The following MRRF variants were observed in gnomAD, a reference collection of about 807,000 sequenced individuals.
MRRF encodes the protein ribosome-recycling factor, mitochondrial.
MRRF carries 18 observed loss-of-function variants against 25.1 expected under a neutral mutation model. The observed-to-expected ratio is 0.72, with a 90% confidence interval of 0.50 to 1.06. The LOEUF is 1.06. MRRF is among the 50% of genes least tolerant of loss of function. The probability of loss-of-function intolerance (pLI) is 0.00; values close to 1 mark genes in which losing one functional copy is unlikely to be tolerated. For synonymous variants in MRRF, 113 were observed against 112.1 expected (o/e 1.01, Z -0.05); for missense variants, 323 against 319.3 (o/e 1.01, Z -0.09).
intron 5 of MRRF, among the ~76,000 whole-genome samples, chr9:122,307,036 A>G (rs1282302230): frequency 1.3e-5 from 2 of 152,212 alleles, no homozygotes; most frequent in African/African-American, 2.4e-5. Flanking sequence ...TTTATGAGAC[A>G]TTAATGTACG....
At chr9:122,307,691 A>G (rs1260138850) in intron 5 of MRRF, among the ~76,000 whole-genome samples, 1 of 152,174 alleles carries the variant, frequency 6.6e-6, no homozygotes, top group Non-Finnish European at 1.5e-5. Flanking sequence ...TGTAGGAGAA[A>G]ACTGAGTTTG....
chr9:122,275,559 C>T (rs1832724582), intron 2 of MRRF, among the ~76,000 whole-genome samples: 1 of 152,128 alleles, frequency 6.6e-6, no homozygotes, highest in African/African-American at 2.4e-5. Context: ...CACCAGAGCC[C>T]AGGGAGGTTG....
chr9:122,295,878 C>T (rs1834053122), intron 5 of MRRF, among the ~76,000 whole-genome samples: 2 of 152,112 alleles, frequency 1.3e-5, no homozygotes, highest in Non-Finnish European at 2.9e-5. Context: ...TCTGGATACC[C>T]AGAACTAAAT....
chr9:122,322,639 A>G lies in MRRF; in HGVS notation c.*22A>G, dbSNP rs371161806. ...ATGAAAGTCCACTGGGGCCAGCAATACTCCAGAGCCCAGTTTCTGCTGGAT... is the reference window on the plus strand; with the variant it reads ...ATGAAAGTCCACTGGGGCCAGCAATGCTCCAGAGCCCAGTTTCTGCTGGAT... On this transcript the variant is annotated 3_prime_UTR_variant, in exon 7 of 7. Coordinates refer to ENST00000344641, the MANE Select transcript of MRRF (RefSeq NM_138777.5). The G allele has an allele frequency of 9.3e-5, 150 of 1,610,720 alleles. No homozygotes were observed. The highest frequency in any genetic ancestry group is 1.2e-4 in the Non-Finnish European group (138 of 1,177,484).
chr9:122,265,913 C>T (rs970996652), intron 1 of MRRF: 7 of 445,946 alleles, frequency 1.6e-5, no homozygotes, highest in African/African-American at 6.1e-5. Flanking sequence ...CTACAAGTAC[C>T]TTTCTTTACC....
At chr9:122,307,167 C>T (rs945343277) in intron 5 of MRRF, among the ~76,000 whole-genome samples, 2 of 152,196 alleles carry the variant, frequency 1.3e-5, no homozygotes, top group Admixed American at 1.3e-4. Context: ...GGGGCAGCTC[C>T]CACTGGCAAA....
chr9:122,291,382 A>G (rs80088994), intron 4 of MRRF, among the ~76,000 whole-genome samples: 1 of 152,322 alleles, frequency 6.6e-6, no homozygotes, highest in Admixed American at 6.5e-5. Context: ...TTTTTTACGT[A>G]TGAAATCTTT....
rs896043359 is a variant in MRRF, at chr9:122,326,153, G to T, written c.*3536G>T. The T allele has an allele frequency of 1.4e-5, 2 of 140,294 alleles. No homozygotes were observed. Among genetic ancestry groups the T allele is most frequent in the Non-Finnish European group, 3.0e-5 (2 of 66,476 alleles). The allele number at this position is 140,294 out of a possible 1,614,324, so 8.7% of individuals were successfully genotyped here. A position where few individuals can be genotyped will look rare whatever the true frequency, so the allele number is the denominator to read the frequency against. On this transcript the variant is annotated 3_prime_UTR_variant, in exon 7 of 7. Transcript: ENST00000344641. Reference sequence around the variant, plus strand: ...AATGGAGTCTTGCTCTGTCGCCCACGCTGGAGTGCATTGGCGCAATCTCGG... The same window carrying T: ...AATGGAGTCTTGCTCTGTCGCCCACTCTGGAGTGCATTGGCGCAATCTCGG...
chr9:122,306,292 G>T (rs1157335683), intron 5 of MRRF, among the ~76,000 whole-genome samples: 1 of 152,174 alleles, frequency 6.6e-6, no homozygotes, highest in African/African-American at 2.4e-5. Flanking sequence ...CTTGACAGTT[G>T]AGGAAATAAC....
intron 2 of MRRF, among the ~76,000 whole-genome samples, chr9:122,271,569 A>T (rs770545194): frequency 3.3e-5 from 5 of 152,204 alleles, no homozygotes; most frequent in Non-Finnish European, 5.9e-5. Context: ...TCCTCTGGGA[A>T]GCCTTTCCTG....
intron 5 of MRRF, among the ~76,000 whole-genome samples, chr9:122,301,139 G>A (rs1483345903): frequency 6.6e-6 from 1 of 152,202 alleles, no homozygotes; most frequent in Non-Finnish European, 1.5e-5. Context: ...GAATGCCACT[G>A]AGACCAGGGA....
rs905031140 is a variant in MRRF, at chr9:122,324,278, A to C, written c.*1661A>C. The C allele has an allele frequency of 6.6e-6, 1 of 152,208 alleles. No homozygotes were observed. The highest frequency in any genetic ancestry group is 1.5e-5 in the Non-Finnish European group (1 of 68,056). 9.4% of individuals were successfully genotyped at this position (152,208 alleles called of 1,614,324 possible). A position where few individuals can be genotyped will look rare whatever the true frequency, so the allele number is the denominator to read the frequency against. On this transcript the variant is annotated 3_prime_UTR_variant, in exon 7 of 7. Coordinates refer to ENST00000344641, the MANE Select transcript of MRRF (RefSeq NM_138777.5). ...GTTAATTTCCTAGGACAGCTCACACAACTCAGGGAAACACGTTCACTGGTT... is the reference window on the plus strand; with the variant it reads ...GTTAATTTCCTAGGACAGCTCACACCACTCAGGGAAACACGTTCACTGGTT...
rs187058643 is a variant in MRRF at position 122,275,768 on chromosome 9, G to A, written c.185-4675G>A. On this transcript the variant is annotated intron_variant, in intron 2 of 6. Coordinates refer to ENST00000344641, the MANE Select transcript of MRRF (RefSeq NM_138777.5). ...CATCCATGGCAAATGGCAAGGTCTCGTTTTTTAAGGTTGAATAATATGCCA... is the reference window on the plus strand; with the variant it reads ...CATCCATGGCAAATGGCAAGGTCTCATTTTTTAAGGTTGAATAATATGCCA... Among the ~76,000 whole-genome samples the A allele has an allele frequency of 2.1e-3, 316 of 152,172 alleles. 4 individuals carry two copies. The highest frequency in any genetic ancestry group is 6.9e-3 in the African/African-American group (288 of 41,528).
chr9:122,295,593 C>T (rs1806796163), intron 5 of MRRF, among the ~76,000 whole-genome samples: 1 of 151,970 alleles, frequency 6.6e-6, no homozygotes, highest in Admixed American at 6.6e-5. Flanking sequence ...TTACAGGCGC[C>T]CGCCACCACG....
At chr9:122,301,061 A>T (rs937940701) in intron 5 of MRRF, among the ~76,000 whole-genome samples, 5 of 152,032 alleles carry the variant, frequency 3.3e-5, no homozygotes, top group African/African-American at 1.2e-4. Context: ...ATTTTTGGGG[A>T]TGATAGACTT....
At chr9:122,266,831 T>A (rs1252084865) in intron 1 of MRRF, among the ~76,000 whole-genome samples, 1 of 152,218 alleles carries the variant, frequency 6.6e-6, no homozygotes, top group Non-Finnish European at 1.5e-5. Flanking sequence ...CTCAGCACAT[T>A]GGGAGGCCCA....
intron 2 of MRRF, among the ~76,000 whole-genome samples, chr9:122,271,760 A>T (rs1255732209): frequency 6.6e-6 from 1 of 152,248 alleles, no homozygotes; most frequent in African/African-American, 2.4e-5. Flanking sequence ...AGCACCTAAC[A>T]GGGCCTGGAT....
chr9:122,265,523 C>T lies in MRRF; in HGVS notation c.-29+585C>T, dbSNP rs1772742647. On this transcript the variant is annotated intron_variant, in intron 1 of 6. Coordinates refer to ENST00000344641, the MANE Select transcript of MRRF (RefSeq NM_138777.5). Reference sequence around the variant, plus strand: ...GTCACGTGCCTAGGAAGTGCTGGAACCAAGACTCGGAGTTTTCTCTAAGTT... The same window carrying T: ...GTCACGTGCCTAGGAAGTGCTGGAATCAAGACTCGGAGTTTTCTCTAAGTT... 5.8e-5 allele frequency: 20 copies of T among 346,500 alleles called. 1 individual carries two copies. The highest frequency in any genetic ancestry group is 4.2e-4 in the South Asian group (19 of 45,254). 21.5% of individuals were successfully genotyped at this position (346,500 alleles called of 1,614,324 possible). A position where few individuals can be genotyped will look rare whatever the true frequency, so the allele number is the denominator to read the frequency against.
intron 6 of MRRF, among the ~76,000 whole-genome samples, chr9:122,317,784 T>C (rs1418118298): frequency 6.6e-6 from 1 of 152,220 alleles, no homozygotes; most frequent in Non-Finnish European, 1.5e-5. Flanking sequence ...AAAAATCTTT[T>C]GAGGTCAGAT....
Sources: allele counts gnomAD v4.1 joint callset (sites outside exome capture counted in the v4.1 genomes callset), GRCh38; gene constraint gnomAD v4.1.1; transcripts MANE v1.5; gene names NCBI Gene and HGNC (gene_info 2026-07-23, HGNC 2026-07-21).